Variants in THSD7A observed in about 807,000 individuals in gnomAD.
THSD7A encodes thrombospondin type 1 domain containing 7A, also known as thrombospondin type-1 domain-containing protein 7A.
In THSD7A, 96 loss-of-function variants were observed where a neutral mutation model predicts 231.3. That is an observed-to-expected ratio of 0.41 (90% CI 0.35 to 0.49). The LOEUF is 0.49. Ranked by LOEUF, THSD7A falls within the 20% of genes least tolerant of loss-of-function variation. THSD7A has a pLI of 0.05. For synonymous variants in THSD7A, 940 were observed against 743.3 expected (o/e 1.26, Z -4.30); for missense variants, 2,290 against 2,070.2 (o/e 1.11, Z -2.06).
intron 1 of THSD7A, among the ~76,000 whole-genome samples, chr7:11,790,906 T>A (rs1011622561): frequency 6.6e-6 from 1 of 151,972 alleles, no homozygotes; most frequent in African/African-American, 2.4e-5. Context: ...GGTTGACTAC[T>A]TACATCTCTA....
intron 23 of THSD7A, among the ~76,000 whole-genome samples, chr7:11,386,546 C>G (rs1337378391): frequency 1.3e-5 from 2 of 152,148 alleles, no homozygotes; most frequent in African/African-American, 4.8e-5. Flanking sequence ...TCTTTGCTCA[C>G]TTTTTGATGG....
At chr7:11,451,864 T>C (rs1785157770) in intron 11 of THSD7A, among the ~76,000 whole-genome samples, 1 of 152,018 alleles carries the variant, frequency 6.6e-6, no homozygotes. Context: ...TATTCAGGTT[T>C]CACAAGAAGA....
chr7:11,627,760 T>C (rs907048107), intron 2 of THSD7A, among the ~76,000 whole-genome samples: 2 of 152,142 alleles, frequency 1.3e-5, no homozygotes, highest in Non-Finnish European at 2.9e-5. Flanking sequence ...CCAGCTGTCT[T>C]GGGTCTCAGT....
At chr7:11,475,805 GA>G (rs1464289766) in intron 7 of THSD7A, among the ~76,000 whole-genome samples, 2 of 150,540 alleles carry the variant, frequency 1.3e-5, no homozygotes, top group East Asian at 3.9e-4. Context: ...AATTATTTGA[GA>G]AAAAAATGAC....
At chr7:11,638,701 A>T (rs1279369588) in intron 1 of THSD7A, among the ~76,000 whole-genome samples, 1 of 152,128 alleles carries the variant, frequency 6.6e-6, no homozygotes, top group Non-Finnish European at 1.5e-5. Context: ...TAACATTCTT[A>T]TAAGGGATAT....
chr7:11,619,335 G>A (rs1781226045), intron 2 of THSD7A, among the ~76,000 whole-genome samples: 2 of 149,660 alleles, frequency 1.3e-5, no homozygotes, highest in South Asian at 2.1e-4. Flanking sequence ...TATGATTTAT[G>A]TATTTTATCT....
Position 11,548,218 on chromosome 7 carries a change from C to T in THSD7A, c.1454-5101G>A, listed in dbSNP as rs533495894. Among the ~76,000 whole-genome samples the T allele has an allele frequency of 3.3e-5, 5 of 152,142 alleles. 1 individual carries two copies. In the South Asian group the frequency reaches 1.0e-3, roughly 32 times the overall value. On this transcript the variant is annotated intron_variant, in intron 4 of 27. Coordinates refer to ENST00000423059, the MANE Select transcript of THSD7A (RefSeq NM_015204.3). ...CAGAAATACAAAATACCCTCAGAGA[C>T]TATTATGATACCTCTATGCACACAA...
intron 16 of THSD7A, among the ~76,000 whole-genome samples, chr7:11,421,348 C>G (rs906481369): frequency 6.6e-6 from 1 of 152,122 alleles, no homozygotes; most frequent in Non-Finnish European, 1.5e-5. Context: ...CCCCTTCGCT[C>G]TTTCTCTCTC....
intron 9 of THSD7A, among the ~76,000 whole-genome samples, chr7:11,463,550 GC>G (rs2128298945): frequency 6.6e-6 from 1 of 152,196 alleles, no homozygotes; most frequent in Non-Finnish European, 1.5e-5. Flanking sequence ...AAGATTCTGG[GC>G]TTACATGTAA....
At position 11,497,832 on chromosome 7, in the gene THSD7A, A is replaced by G. The variant is rs1362702765; in HGVS notation, c.1823-15850T>C. On this transcript the variant is annotated intron_variant, in intron 6 of 27. Transcript: ENST00000423059. ...AGAGAGGGAAGAAAAACAAGACAAG[A>G]CAATGGCTCACCTGGGAGCAACATG... Among the ~76,000 whole-genome samples, 3 of 152,110 alleles carry G rather than the reference A, an allele frequency of 2.0e-5. No homozygotes were observed. The East Asian group carries it at 5.8e-4, about 29-fold the overall frequency.
intron 24 of THSD7A, among the ~76,000 whole-genome samples, chr7:11,379,944 C>G (rs149094202): frequency 8.5e-4 from 130 of 152,266 alleles, no homozygotes; most frequent in Middle Eastern, 3.4e-3. Flanking sequence ...AGGTATTCAA[C>G]AAGCATTTGT....
chr7:11,663,478 T>C (rs922874137), intron 1 of THSD7A, among the ~76,000 whole-genome samples: 1 of 151,490 alleles, frequency 6.6e-6, no homozygotes, highest in African/African-American at 2.4e-5. Context: ...AAGCCCATCA[T>C]GATAATTTAA....
intron 1 of THSD7A, among the ~76,000 whole-genome samples, chr7:11,746,936 A>G (rs1032410845): frequency 6.6e-6 from 1 of 151,838 alleles, no homozygotes; most frequent in African/African-American, 2.4e-5. Flanking sequence ...TAGAACCACT[A>G]TCCCATGACT....
intron 1 of THSD7A, among the ~76,000 whole-genome samples, chr7:11,667,935 T>C (rs1167896289): frequency 6.6e-6 from 1 of 152,142 alleles, no homozygotes; most frequent in African/African-American, 2.4e-5. Context: ...AACAGCAAAG[T>C]GTACTCTTTT....
At position 11,379,292 on chromosome 7, in the gene THSD7A, C is replaced by G. The variant is rs1425505393; in HGVS notation, c.4591-12G>C. 1 of 1,613,026 alleles carries G rather than the reference C, an allele frequency of 6.2e-7. No homozygotes were observed. Among genetic ancestry groups the G allele is most frequent in the Admixed American group, 1.7e-5 (1 of 59,964 alleles). The stretch of plus-strand genomic sequence containing the variant: ...TGGCATGTTTTTGTCTGCAGGAGAA[C>G]AAGAAGATTTATACTAGCCATGCAA... On this transcript the variant is annotated splice_polypyrimidine_tract_variant and intron_variant, in intron 25 of 27. Coordinates refer to ENST00000423059, the MANE Select transcript of THSD7A (RefSeq NM_015204.3).
intron 2 of THSD7A, among the ~76,000 whole-genome samples, chr7:11,600,307 T>C (rs2128344093): frequency 6.6e-6 from 1 of 152,326 alleles, no homozygotes; most frequent in Admixed American, 6.5e-5. Flanking sequence ...ATTCAAACTT[T>C]GACACGTAGG....
rs1562589570 is a variant in THSD7A, at chr7:11,411,947, CA to C, written c.3683-626del. Among the ~76,000 whole-genome samples the C allele has an allele frequency of 6.6e-6, 1 of 151,474 alleles. No individual in the cohort carries two copies. The highest frequency in any genetic ancestry group is 2.4e-5 in the African/African-American group (1 of 41,182). ...ATCAAAGGAAACTGAAGAGAAAAACCAAAAGAAACAAAGCCAATATGACTGT... is the reference window on the plus strand; with the variant it reads ...ATCAAAGGAAACTGAAGAGAAAAACCAAAGAAACAAAGCCAATATGACTGT... On this transcript the variant is annotated intron_variant, in intron 18 of 27. Transcript: ENST00000423059. This position sits in a 1 kb window ranked among gnomAD's most constrained non-coding sequence, Gnocchi z 4.1.
At chr7:11,695,779 A>G (rs1023226770) in intron 1 of THSD7A, among the ~76,000 whole-genome samples, 5 of 151,528 alleles carry the variant, frequency 3.3e-5, no homozygotes, top group Admixed American at 2.6e-4. Flanking sequence ...TTTGGGCTTC[A>G]TCTTGAATAT....
chr7:11,722,328 T>C (rs1057129903), intron 1 of THSD7A, among the ~76,000 whole-genome samples: 1 of 151,932 alleles, frequency 6.6e-6, no homozygotes, highest in African/African-American at 2.4e-5. Context: ...AGGTGCAGTT[T>C]GCCTTTCTAT....
Sources: gnomAD v4.1 joint callset for allele counts (sites outside exome capture counted in the v4.1 genomes callset) on GRCh38, gnomAD v4.1.1 for gene constraint, Gnocchi (gnomAD v3.1) non-coding constraint, MANE v1.5 for transcripts, NCBI Gene and HGNC (gene_info 2026-07-23, HGNC 2026-07-21) for gene names.